The following CGNL1 variants were observed in gnomAD, a reference collection of about 807,000 sequenced individuals.
CGNL1 encodes the protein cingulin like 1.
A neutral mutation model predicts 141.2 loss-of-function variants in CGNL1; 132 were observed. That is an observed-to-expected ratio of 0.93 (90% confidence interval 0.81 to 1.08). The LOEUF (loss-of-function observed/expected upper bound fraction) is 1.08. CGNL1 is among the 50% of genes least tolerant of loss of function. CGNL1 has a pLI of 0.00. For missense variants in CGNL1, 1,870 were observed against 1,588.6 expected, an observed-to-expected ratio of 1.18 and a Z score of -3.01; for synonymous variants, 690 against 622.1, an observed-to-expected ratio of 1.11 and a Z score of -1.63.
At chr15:57,483,305 T>G (rs1482797709) in intron 8 of CGNL1, among the ~76,000 whole-genome samples, 1 of 152,200 alleles carries the variant, frequency 6.6e-6, no homozygotes, top group Non-Finnish European at 1.5e-5. Flanking sequence ...ACCTAAGGGT[T>G]TAATGTTTTT....
intron 1 of CGNL1, among the ~76,000 whole-genome samples, chr15:57,390,934 G>A (rs565169087): frequency 6.6e-6 from 1 of 152,202 alleles, no homozygotes; most frequent in Admixed American, 6.5e-5. Flanking sequence ...GTTGAAGGAG[G>A]CCAGGGGCTT....
In CGNL1 at chr15:57,441,833, C is replaced by T. The variant is rs75804278; in HGVS notation, c.1698-540C>T. Among the ~76,000 whole-genome samples the T allele has an allele frequency of 9.2e-3, 1,400 of 152,070 alleles. 25 individuals carry two copies. Among genetic ancestry groups the T allele is most frequent in the African/African-American group, 0.032 (1,332 of 41,458 alleles). Reference sequence around the variant, plus strand: ...AGAAGTTAATAAAACTTAGTATCTCCGTGTTACCTGTGAAAGCCCAGACAA... The same window carrying T: ...AGAAGTTAATAAAACTTAGTATCTCTGTGTTACCTGTGAAAGCCCAGACAA... On this transcript the variant is annotated intron_variant, in intron 3 of 18. Transcript: ENST00000281282.
In CGNL1 at chr15:57,550,071, CA is replaced by C; in HGVS notation, c.*2584del. 6.6e-6 allele frequency: 1 copy of C among 152,330 alleles called. No individual in the cohort carries two copies. Among genetic ancestry groups the C allele is most frequent in the African/African-American group, 2.4e-5 (1 of 41,550 alleles). The allele number at this position is 152,330 out of a possible 1,614,324, so 9.4% of individuals were successfully genotyped here. On this transcript the variant is annotated 3_prime_UTR_variant, in exon 19 of 19. Transcript: ENST00000281282. ...GCTACAAGAAGCAAAACTGCCCATG[CA>C]AAGAGAACACAGGTCACTTTTCAAA...
rs2032929101 is a variant in CGNL1 at position 57,547,426 on chromosome 15, G to A, written c.3845G>A (p.Ser1282Asn). The A allele has an allele frequency of 3.1e-6, 5 of 1,614,110 alleles. No individual in the cohort carries two copies. In the African/African-American group the frequency reaches 5.3e-5, roughly 17 times the overall value. The change falls in exon 19 of 19, where the codon AGC (serine) becomes AAC (asparagine). Residue 1282 changes from serine (S) to asparagine (N), a missense_variant. Transcript: ENST00000281282. Reference sequence around the variant, plus strand: ...GATGACCTCAGCACGGATGGGGGAAGCCTCTATGAGGCGCCTGTGAGCTAC... The same window carrying A: ...GATGACCTCAGCACGGATGGGGGAAACCTCTATGAGGCGCCTGTGAGCTAC... ...DDDDLSTDGGSLYEAPVSYTF... is the reference protein window; with the variant it reads ...DDDDLSTDGGNLYEAPVSYTF...
intron 2 of CGNL1, among the ~76,000 whole-genome samples, chr15:57,439,942 G>A (rs1380655879): frequency 6.6e-6 from 1 of 152,166 alleles, no homozygotes; most frequent in Admixed American, 6.5e-5. Flanking sequence ...GAATAGTTAG[G>A]TTTGTGTAGG....
intron 14 of CGNL1, among the ~76,000 whole-genome samples, chr15:57,534,782 C>T (rs572538360): frequency 7.2e-5 from 11 of 152,324 alleles, no homozygotes; most frequent in Admixed American, 2.6e-4. Context: ...GTAATAACAT[C>T]GGCCCTGCCT....
chr15:57,420,850 T>C (rs1467983286), intron 1 of CGNL1, among the ~76,000 whole-genome samples: 1 of 152,246 alleles, frequency 6.6e-6, no homozygotes, highest in African/African-American at 2.4e-5. Flanking sequence ...ATTCGTTTTC[T>C]ATCTGCTGAA....
intron 10 of CGNL1, among the ~76,000 whole-genome samples, chr15:57,523,243 C>G (rs1477152609): frequency 2.0e-5 from 3 of 152,194 alleles, no homozygotes; most frequent in Non-Finnish European, 4.4e-5. Flanking sequence ...TTCTGTAGCA[C>G]GTTGTTTGTC....
chr15:57,395,066 A>G (rs2062587813), intron 1 of CGNL1, among the ~76,000 whole-genome samples: 2 of 152,236 alleles, frequency 1.3e-5, no homozygotes, highest in Non-Finnish European at 2.9e-5. Flanking sequence ...AGCTGAGATC[A>G]TGCCACTGCA....
At chr15:57,407,162 G>A (rs967185242) in intron 1 of CGNL1, 3 of 152,176 alleles carry the variant, frequency 2.0e-5, no homozygotes, top group African/African-American at 4.8e-5. Flanking sequence ...CCGTTAAGGT[G>A]GTCAGAGCTA....
intron 12 of CGNL1, among the ~76,000 whole-genome samples, chr15:57,526,662 A>T (rs918388388): frequency 1.3e-5 from 2 of 152,008 alleles, no homozygotes; most frequent in African/African-American, 2.4e-5. Context: ...GCAAAGGGTG[A>T]TTTTAACTAC....
chr15:57,429,031 A>G (rs1319783417), intron 1 of CGNL1, among the ~76,000 whole-genome samples: 1 of 140,884 alleles, frequency 7.1e-6, no homozygotes, highest in Admixed American at 7.5e-5. Flanking sequence ...CAAAACAACA[A>G]CAGCAATAAA....
chr15:57,444,780 A>G (rs1354216259), intron 4 of CGNL1, among the ~76,000 whole-genome samples: 1 of 152,208 alleles, frequency 6.6e-6, no homozygotes, highest in Non-Finnish European at 1.5e-5. Context: ...GGATGGGCTG[A>G]GGAAGAGCCT....
chr15:57,512,277 T>A (rs1483451977), intron 8 of CGNL1, among the ~76,000 whole-genome samples: 1 of 152,156 alleles, frequency 6.6e-6, no homozygotes, highest in Non-Finnish European at 1.5e-5. Flanking sequence ...AAGGTTAGGA[T>A]TTTTATTTTT....
At chr15:57,459,786 G>A (rs1241530341) in intron 7 of CGNL1, among the ~76,000 whole-genome samples, 1 of 152,176 alleles carries the variant, frequency 6.6e-6, no homozygotes, top group African/African-American at 2.4e-5. Flanking sequence ...TGAGTGCTGA[G>A]GGGGCAGGTG....
chr15:57,511,762 C>T (rs185854000), intron 8 of CGNL1, among the ~76,000 whole-genome samples: 29 of 152,232 alleles, frequency 1.9e-4, no homozygotes, highest in Non-Finnish European at 2.8e-4. Context: ...GAATCTGGTG[C>T]GGTGTTTTCA....
chr15:57,544,374 T>C, intron 15 of CGNL1, 99 bp from the exon 16 acceptor site: 1 of 1,440,290 alleles, frequency 6.9e-7, no homozygotes, highest in Non-Finnish European at 9.5e-7. Flanking sequence ...CCTCATCGCA[T>C]GCAGCGACCA....
intron 10 of CGNL1, among the ~76,000 whole-genome samples, chr15:57,522,459 C>T (rs1450762601): frequency 6.6e-6 from 1 of 152,214 alleles, no homozygotes; most frequent in African/African-American, 2.4e-5. Context: ...TGTTCTTGTG[C>T]AGTCACTGCA....
intron 1 of CGNL1, among the ~76,000 whole-genome samples, chr15:57,404,296 A>T (rs562223273): frequency 6.6e-6 from 1 of 152,352 alleles, no homozygotes; most frequent in African/African-American, 2.4e-5. Context: ...ATTTGCATCT[A>T]CCTGCTGGTG....
Sources: gnomAD v4.1 joint callset for allele counts (sites outside exome capture counted in the v4.1 genomes callset) on GRCh38, gnomAD v4.1.1 for gene constraint, MANE v1.5 for transcripts, NCBI Gene and HGNC (gene_info 2026-07-23, HGNC 2026-07-21) for gene names.